CD276: variants seen among roughly 807,000 people sequenced by gnomAD.
CD276 encodes the protein CD276 molecule.
Under a neutral mutation model 50.0 loss-of-function variants are expected in CD276, and 34 were observed. The observed-to-expected ratio is 0.68, with a 90% CI of 0.52 to 0.91. The LOEUF is 0.91. CD276 is among the 40% of genes least tolerant of loss of function. The pLI is 0.00. For synonymous variants in CD276, 275 were observed against 313.0 expected (o/e 0.88, Z 1.28); for missense variants, 634 against 717.5 (o/e 0.88, Z 1.33).
chr15:73,697,333 T>G (rs1283223841), intron 1 of CD276, among the ~76,000 whole-genome samples: 1 of 151,170 alleles, frequency 6.6e-6, no homozygotes, highest in African/African-American at 2.4e-5. Context: ...AGGGACTCCC[T>G]TGGCCCAGCT....
In CD276 at chr15:73,689,048, G is replaced by A. The variant is rs111671789; in HGVS notation, c.-55+4588G>A. Among the ~76,000 whole-genome samples, 501 of 152,238 alleles carry A rather than the reference G, an allele frequency of 3.3e-3. 3 individuals carry two copies. Among genetic ancestry groups the A allele is most frequent in the African/African-American group, 0.011 (471 of 41,530 alleles). On this transcript the variant is annotated intron_variant, in intron 1 of 9. Transcript: ENST00000318443. Reference sequence around the variant, plus strand: ...CCCTGGGCCTGCCAGTGTCTGACCCGAAATCTGCGCTCTGATGTGGTCTCA... The same window carrying A: ...CCCTGGGCCTGCCAGTGTCTGACCCAAAATCTGCGCTCTGATGTGGTCTCA...
At chr15:73,698,064 A>T (rs1900242732) in intron 1 of CD276, among the ~76,000 whole-genome samples, 1 of 152,084 alleles carries the variant, frequency 6.6e-6, no homozygotes, top group African/African-American at 2.4e-5. Flanking sequence ...TGCAGCCTGG[A>T]GGGTGGCTGG....
chr15:73,704,090 G>A lies in CD276; in HGVS notation c.1073-86G>A. 2 of 1,562,498 alleles carry A rather than the reference G, an allele frequency of 1.3e-6. No homozygotes were observed. Among genetic ancestry groups the A allele is most frequent in the South Asian group, 1.2e-5 (1 of 83,082 alleles). ...CTGCACCACTGCTCCCAGAACCCCA[G>A]TGCTGATTCCTGTACTCAGCCCCAT... On this transcript the variant is annotated intron_variant, in intron 5 of 9. Transcript: ENST00000318443. This position sits in a 1 kb window ranked among gnomAD's most constrained non-coding sequence, Gnocchi z 4.1.
At chr15:73,696,576 G>A (rs1002991255) in intron 1 of CD276, among the ~76,000 whole-genome samples, 5 of 152,202 alleles carry the variant, frequency 3.3e-5, no homozygotes, top group Non-Finnish European at 5.9e-5. Context: ...AGTCCAGGGC[G>A]CAGCCCTGGA....
rs1002042846 is a variant in CD276, at chr15:73,711,135, C to G, written c.1547C>G (p.Ala516Gly). The change falls in exon 9 of 10, where the codon GCC (alanine) becomes GGC (glycine). Residue 516 changes from alanine to glycine, a missense_variant and splice_region_variant. Physicochemically the swap from Ala to Gly is moderately conservative, Grantham distance 60 (BLOSUM62 0). Coordinates refer to ENST00000318443, the MANE Select transcript of CD276 (RefSeq NM_001024736.2). Reference protein sequence around the residue: ...QDGEGEGSKTALQPLKHSDSK... With the variant: ...QDGEGEGSKTGLQPLKHSDSK... ...CGTGTGCGCCTTCCTTTTTTTACAG[C>G]CCTGCAGCCTCTGAAACACTCTGAC... 4.3e-6 allele frequency: 7 copies of G among 1,613,936 alleles called. No homozygotes were observed. The highest frequency in any genetic ancestry group is 5.1e-6 in the Non-Finnish European group (6 of 1,180,040).
Position 73,713,834 on chromosome 15 carries a change from C to T in CD276, c.*878C>T, listed in dbSNP as rs1596025181. ...TCTTTGTTCCTTTCTTTTCATGTATCCATTCAGTTGATGTTTATTGAGCAA... is the reference window on the plus strand; with the variant it reads ...TCTTTGTTCCTTTCTTTTCATGTATTCATTCAGTTGATGTTTATTGAGCAA... On this transcript the variant is annotated 3_prime_UTR_variant, in exon 10 of 10. Coordinates refer to ENST00000318443, the MANE Select transcript of CD276 (RefSeq NM_001024736.2). 2 of 444,378 alleles carry T rather than the reference C, an allele frequency of 4.5e-6. No homozygotes were observed. Among genetic ancestry groups the T allele is most frequent in the African/African-American group, 4.1e-5 (2 of 49,218 alleles). The allele number at this position is 444,378 out of a possible 1,614,324, so 27.5% of individuals were successfully genotyped here.
Position 73,712,998 on chromosome 15 carries a change from A to G in CD276, c.*42A>G. The G allele has an allele frequency of 8.1e-6, 13 of 1,599,392 alleles. No homozygotes were observed. Among genetic ancestry groups the G allele is most frequent in the Non-Finnish European group, 1.0e-5 (12 of 1,167,746 alleles). On this transcript the variant is annotated 3_prime_UTR_variant, in exon 10 of 10. Transcript: ENST00000318443. ...GCTGCTACCCCTCCCTACAGCTCCT[A>G]CCCTCTGGCTGCAATGGGGCTGCAC...
intron 1 of CD276, among the ~76,000 whole-genome samples, chr15:73,688,220 G>C (rs1024376801): frequency 1.3e-5 from 2 of 152,064 alleles, no homozygotes; most frequent in South Asian, 4.2e-4. Flanking sequence ...CAGGGAGAGT[G>C]GGGTAGGGGC....
At chr15:73,709,566 C>T (rs1339153500) in intron 7 of CD276, 82 bp from the exon 8 acceptor site, 3 of 1,412,294 alleles carry the variant, frequency 2.1e-6, no homozygotes, top group African/African-American at 2.9e-5. Flanking sequence ...CACCAGCTTC[C>T]TGCACTCTCA....
In CD276 at chr15:73,702,604, G is replaced by T; in HGVS notation, c.418+11G>T. On this transcript the variant is annotated intron_variant, in intron 3 of 9. Coordinates refer to ENST00000318443, the MANE Select transcript of CD276 (RefSeq NM_001024736.2). ...GCCTGCAGGTGGCCGGTGAGCACCAGGAGGGGGACGCCTTCCCCTTAGTTC... is the reference window on the plus strand; with the variant it reads ...GCCTGCAGGTGGCCGGTGAGCACCATGAGGGGGACGCCTTCCCCTTAGTTC... The T allele has an allele frequency of 6.3e-7, 1 of 1,599,916 alleles. No homozygotes were observed. The highest frequency in any genetic ancestry group is 8.5e-7 in the Non-Finnish European group (1 of 1,174,298).
At chr15:73,709,052 C>T (rs1022283952) in intron 7 of CD276, among the ~76,000 whole-genome samples, 2 of 152,026 alleles carry the variant, frequency 1.3e-5, no homozygotes, top group Non-Finnish European at 2.9e-5. Flanking sequence ...CTGGGGATGG[C>T]TGGAGGTTGG....
intron 8 of CD276, 128 bp downstream of exon 8, chr15:73,709,817 G>GACCTCC: frequency 4.6e-6 from 4 of 868,478 alleles, no homozygotes; most frequent in Non-Finnish European, 7.1e-6. Flanking sequence ...TGTGGACTCA[G>GACCTCC]ACCTCCCCAC....
In CD276 at chr15:73,704,170, C is replaced by T. The variant is rs1377017804; in HGVS notation, c.1073-6C>T. 5 of 1,609,718 alleles carry T rather than the reference C, an allele frequency of 3.1e-6. No homozygotes were observed. The highest frequency in any genetic ancestry group is 3.4e-6 in the Non-Finnish European group (4 of 1,177,884). Reference sequence around the variant, plus strand: ...GCCCTTGACCCCTGCCCTCTGTCACCTCCAGCTCCCTACTCGAAGCCCAGC... The same window carrying T: ...GCCCTTGACCCCTGCCCTCTGTCACTTCCAGCTCCCTACTCGAAGCCCAGC... On this transcript the variant is annotated splice_region_variant and splice_polypyrimidine_tract_variant and intron_variant, in intron 5 of 9. Transcript: ENST00000318443. This position sits in a 1 kb window ranked among gnomAD's most constrained non-coding sequence, Gnocchi z 4.1.
rs1901032536 is a variant in CD276 at position 73,714,156 on chromosome 15, T to C, written c.*1200T>C. The C allele has an allele frequency of 3.7e-6, 1 of 272,104 alleles. No homozygotes were observed. Among genetic ancestry groups the C allele is most frequent in the African/African-American group, 2.4e-5 (1 of 42,150 alleles). The allele number at this position is 272,104 out of a possible 1,614,324, so 16.9% of individuals were successfully genotyped here. Reference sequence around the variant, plus strand: ...CTAGAGAATCTGGTGGTGTCCAAAATGTCTGTCCAGGTGTGGGCAGGTGGG... The same window carrying C: ...CTAGAGAATCTGGTGGTGTCCAAAACGTCTGTCCAGGTGTGGGCAGGTGGG... On this transcript the variant is annotated 3_prime_UTR_variant, in exon 10 of 10. Coordinates refer to ENST00000318443, the MANE Select transcript of CD276 (RefSeq NM_001024736.2).
chr15:73,701,183 A>T (rs1900374692), intron 2 of CD276, among the ~76,000 whole-genome samples: 1 of 151,214 alleles, frequency 6.6e-6, no homozygotes, highest in Non-Finnish European at 1.5e-5. Context: ...CTCACTTCTG[A>T]CTCATCAGCA....
chr15:73,694,220 C>T (rs990549069), intron 1 of CD276, among the ~76,000 whole-genome samples: 2 of 152,190 alleles, frequency 1.3e-5, no homozygotes, highest in Admixed American at 6.5e-5. Flanking sequence ...CTTCAGTGCC[C>T]TCTTGACACC....
rs11072436 is a variant in CD276 at position 73,714,081 on chromosome 15, A to T, written c.*1125A>T. The T allele has an allele frequency of 0.013, 3,755 of 288,940 alleles. 163 individuals are homozygous for T. The highest frequency in any genetic ancestry group is 0.083 in the African/African-American group (3,523 of 42,404). 17.9% of individuals were successfully genotyped at this position (288,940 alleles called of 1,614,324 possible). ...CCCACCCATAATTCTTACCCAGAGC[A>T]TGGGGTTGGGGCGGAAACCTGGAGA... On this transcript the variant is annotated 3_prime_UTR_variant, in exon 10 of 10. Coordinates refer to ENST00000318443, the MANE Select transcript of CD276 (RefSeq NM_001024736.2).
intron 6 of CD276, among the ~76,000 whole-genome samples, chr15:73,706,160 G>T (rs1033028966): frequency 1.3e-5 from 2 of 152,212 alleles, no homozygotes; most frequent in African/African-American, 4.8e-5. Flanking sequence ...TGGGGCAAGA[G>T]AATTGCTTGA....
In CD276 at chr15:73,691,841, T is replaced by C. The variant is rs78079899; in HGVS notation, c.-55+7381T>C. Among the ~76,000 whole-genome samples the C allele has an allele frequency of 4.4e-4, 67 of 152,324 alleles. No individual in the cohort carries two copies. The East Asian group carries it at 0.012, about 28-fold the overall frequency. On this transcript the variant is annotated intron_variant, in intron 1 of 9. Coordinates refer to ENST00000318443, the MANE Select transcript of CD276 (RefSeq NM_001024736.2). The stretch of plus-strand genomic sequence containing the variant: ...TAAGAAGGAATTGAAGTTTAGGCCA[T>C]ACGGGGAGGTGCTCATCTGTTTTAA...
Sources: allele counts gnomAD v4.1 joint callset (sites outside exome capture counted in the v4.1 genomes callset), GRCh38; gene constraint gnomAD v4.1.1; non-coding constraint Gnocchi (gnomAD v3.1); transcripts MANE v1.5; gene names NCBI Gene and HGNC (gene_info 2026-07-23, HGNC 2026-07-21).